The following SSBP3 variants were observed in gnomAD, a reference collection of about 807,000 sequenced individuals.
SSBP3 encodes the protein single stranded DNA binding protein 3, also known as single-stranded DNA-binding protein 3.
A neutral mutation model predicts 69.6 loss-of-function variants in SSBP3; 5 were observed. That is an observed-to-expected ratio of 0.07 (90% CI 0.04 to 0.15). The LOEUF (loss-of-function observed/expected upper bound fraction) is 0.15. Among genes scored for constraint, SSBP3 ranks in the 10% least tolerant of loss-of-function variants. The pLI is 1.00. For synonymous variants in SSBP3, 196 were observed against 193.4 expected, an observed-to-expected ratio of 1.01 and a Z score of -0.11; for missense variants, 312 against 534.0, an observed-to-expected ratio of 0.58 and a Z score of 4.10.
chr1:54,299,606 A>G (rs1645765267), intron 4 of SSBP3, among the ~76,000 whole-genome samples: 1 of 152,162 alleles, frequency 6.6e-6, no homozygotes, highest in Admixed American at 6.5e-5. Context: ...AATGAGAGTC[A>G]AAGGGGCTAT....
chr1:54,276,608 C>CAAAAAAAAAAAAAAAAAAAA (rs746933473), intron 5 of SSBP3, among the ~76,000 whole-genome samples: 5 of 35,212 alleles, frequency 1.4e-4, no homozygotes, highest in African/African-American at 7.5e-4. Context: ...GACTCTGTCT[C>CAAAAAAAAAAAAAAAAAAAA]AAAAAAAAAA....
At chr1:54,363,045 TC>T (rs1485069007) in intron 4 of SSBP3, among the ~76,000 whole-genome samples, 3 of 152,080 alleles carry the variant, frequency 2.0e-5, no homozygotes, top group Non-Finnish European at 2.9e-5. Flanking sequence ...GGTGCAGTCC[TC>T]CCAGCCTCCA....
intron 4 of SSBP3, among the ~76,000 whole-genome samples, chr1:54,370,434 TC>T (rs1647111434): frequency 6.6e-6 from 1 of 152,196 alleles, no homozygotes; most frequent in African/African-American, 2.4e-5. Context: ...GTTACCGTGA[TC>T]AACTTGCAAT....
intron 4 of SSBP3, among the ~76,000 whole-genome samples, chr1:54,391,874 C>G (rs1318226375): frequency 6.6e-6 from 1 of 152,144 alleles, no homozygotes; most frequent in Admixed American, 6.5e-5. Context: ...GGCAAGGAAC[C>G]CCCTCCACCC....
At chr1:54,303,640 T>C (rs903896283) in intron 4 of SSBP3, among the ~76,000 whole-genome samples, 2 of 152,154 alleles carry the variant, frequency 1.3e-5, no homozygotes, top group Non-Finnish European at 2.9e-5. Flanking sequence ...AATCTCGTGC[T>C]CTTAAATCTT....
chr1:54,362,688 T>A (rs1455165627), intron 4 of SSBP3, among the ~76,000 whole-genome samples: 1 of 152,134 alleles, frequency 6.6e-6, no homozygotes, highest in African/African-American at 2.4e-5. Context: ...GGCCCCCAAA[T>A]CTAACCTTTT....
At chr1:54,317,744 G>A (rs1278136086) in intron 4 of SSBP3, among the ~76,000 whole-genome samples, 1 of 152,058 alleles carries the variant, frequency 6.6e-6, no homozygotes, top group Non-Finnish European at 1.5e-5. Context: ...GTGAGGTCAT[G>A]TCTCCATCCT....
At chr1:54,238,823 A>G in intron 14 of SSBP3, 1 of 412,194 alleles carries the variant, frequency 2.4e-6, no homozygotes, top group Non-Finnish European at 4.7e-6. Context: ...ACCAGGCCAG[A>G]CCCCACCTAC....
At chr1:54,273,828 G>A (rs1645238212) in intron 5 of SSBP3, among the ~76,000 whole-genome samples, 1 of 152,226 alleles carries the variant, frequency 6.6e-6, no homozygotes, top group Admixed American at 6.5e-5. Flanking sequence ...CTAGAGGAGG[G>A]GCTGCCGCTC....
chr1:54,330,701 C>G (rs1486667062), intron 4 of SSBP3, among the ~76,000 whole-genome samples: 1 of 132,772 alleles, frequency 7.5e-6, no homozygotes, highest in East Asian at 2.7e-4. Context: ...CAACCTTGTG[C>G]AGTCAAAAAA....
At chr1:54,353,456 A>AT (rs1207150696) in intron 4 of SSBP3, among the ~76,000 whole-genome samples, 1 of 151,994 alleles carries the variant, frequency 6.6e-6, no homozygotes, top group Non-Finnish European at 1.5e-5. Flanking sequence ...AGCCTTAAAG[A>AT]TTTTTCCCTT....
chr1:54,225,522 T>A, exon 18 of SSBP3: 1 of 963,466 alleles, frequency 1.0e-6, no homozygotes, highest in Non-Finnish European at 1.3e-6. Context: ...TTTCCTCTCT[T>A]AATTCAGAAC....
chr1:54,411,249 G>A (rs1451667982), upstream of SSBP3, among the ~76,000 whole-genome samples: 1 of 152,092 alleles, frequency 6.6e-6, no homozygotes, highest in Non-Finnish European at 1.5e-5. Context: ...GGCTGCCAAG[G>A]CAGGCAGATC....
intron 4 of SSBP3, among the ~76,000 whole-genome samples, chr1:54,286,099 T>C (rs536095906): frequency 2.6e-5 from 4 of 152,226 alleles, no homozygotes; most frequent in African/African-American, 9.6e-5. Flanking sequence ...CTCTGTTCAT[T>C]ATAGGCCATT....
chr1:54,412,308 G>C (rs1430205370), intron 1 of SSBP3, among the ~76,000 whole-genome samples: 1 of 152,120 alleles, frequency 6.6e-6, no homozygotes. Flanking sequence ...CAGCCAGGGC[G>C]ACAGAACGAA....
intron 4 of SSBP3, chr1:54,287,494 T>C (rs1012132871): frequency 2.0e-5 from 3 of 152,104 alleles, no homozygotes; most frequent in African/African-American, 7.3e-5. Context: ...TCAAGGGAGC[T>C]TGGGGCACTC....
At chr1:54,265,795 C>T (rs1030166804) in intron 5 of SSBP3, among the ~76,000 whole-genome samples, 26 of 152,340 alleles carry the variant, frequency 1.7e-4, no homozygotes, top group Admixed American at 1.5e-3. Flanking sequence ...CATTGATTTC[C>T]GTGTGAGCAA....
chr1:54,242,478 C>T (rs1268753619), intron 10 of SSBP3, among the ~76,000 whole-genome samples: 1 of 152,100 alleles, frequency 6.6e-6, no homozygotes, highest in Non-Finnish European at 1.5e-5. Flanking sequence ...GTGCATTTTC[C>T]TAGGAAGGGA....
At chr1:54,345,768 G>A (rs1400802716) in intron 4 of SSBP3, among the ~76,000 whole-genome samples, 2 of 151,858 alleles carry the variant, frequency 1.3e-5, no homozygotes, top group Non-Finnish European at 2.9e-5. Flanking sequence ...TAATCCTGGA[G>A]GCTGAGGCGG....
Sources: gnomAD v4.1 joint callset for allele counts (sites outside exome capture counted in the v4.1 genomes callset) on GRCh38, gnomAD v4.1.1 for gene constraint, MANE v1.5 for transcripts, NCBI Gene and HGNC (gene_info 2026-07-23, HGNC 2026-07-21) for gene names.